Variants in SUPV3L1 observed in about 807,000 individuals in gnomAD.
The protein encoded by SUPV3L1 is ATP-dependent RNA helicase SUPV3L1, mitochondrial.
SUPV3L1 carries 35 observed loss-of-function variants against 70.0 expected under a neutral mutation model. The observed-to-expected ratio is 0.50, with a 90% confidence interval of 0.38 to 0.66. The LOEUF is 0.66. SUPV3L1 is among the 30% of genes least tolerant of loss of function. The probability of loss-of-function intolerance (pLI) is 0.00; values close to 1 mark genes in which losing one functional copy is unlikely to be tolerated. For synonymous variants in SUPV3L1, 364 were observed against 341.9 expected (o/e 1.06, Z -0.71); for missense variants, 777 against 961.5 (o/e 0.81, Z 2.54).
intron 1 of SUPV3L1, among the ~76,000 whole-genome samples, chr10:69,185,601 A>G (rs1842201238): frequency 6.6e-6 from 1 of 150,376 alleles, no homozygotes. Flanking sequence ...TCCCGGGTTC[A>G]TGCCATTCTC....
Position 69,200,383 on chromosome 10 carries a change from G to A in SUPV3L1, c.1402G>A (p.Ala468Thr). The part of the protein sequence containing the change: ...PITTSQALQI[A>T]GRAGRFSSRF... Reference sequence around the variant, plus strand: ...CACAACCTCTCAAGCCCTGCAGATTGCTGGCAGAGCTGGCAGATTCAGCTC... The same window carrying A: ...CACAACCTCTCAAGCCCTGCAGATTACTGGCAGAGCTGGCAGATTCAGCTC... The change falls in exon 11 of 15, where the codon GCT (alanine) becomes ACT (threonine). Residue 468 changes from alanine to threonine, a missense_variant. By Grantham distance (58) the Ala-to-Thr change is moderately conservative. Transcript: ENST00000359655. 6.2e-7 allele frequency: 1 copy of A among 1,614,124 alleles called. No homozygotes were observed. The highest frequency in any genetic ancestry group is 8.5e-7 in the Non-Finnish European group (1 of 1,180,024).
chr10:69,194,605 C>G (rs369952843), intron 6 of SUPV3L1, among the ~76,000 whole-genome samples: 10 of 152,048 alleles, frequency 6.6e-5, no homozygotes, highest in African/African-American at 2.4e-4. Context: ...CCGCCTCGAC[C>G]TCCCAAGAAA....
intron 6 of SUPV3L1, among the ~76,000 whole-genome samples, chr10:69,194,946 G>A (rs753748393): frequency 2.0e-5 from 3 of 152,134 alleles, no homozygotes; most frequent in African/African-American, 4.8e-5. Context: ...ATTTCTCTGG[G>A]CCTCTGACTT....
In SUPV3L1 at chr10:69,180,307, G is replaced by C. The variant is rs757576646; in HGVS notation, c.16G>C (p.Ala6Pro). 16 of 1,613,668 alleles carry C rather than the reference G, an allele frequency of 9.9e-6. No individual in the cohort carries two copies. In the African/African-American group the frequency reaches 1.5e-4, roughly 15 times the overall value. Residue 6 changes from alanine to proline, a missense_variant, in exon 1 of 15, where the codon GCC (alanine) becomes CCC (proline). Ala to Pro is a conservative substitution (Grantham distance 27). This residue lies in a region of SUPV3L1 where 158 missense variants were observed against 138.3 expected (regional missense o/e 1.14). Transcript: ENST00000359655. MSFSRALLWARLPAGR... is the reference protein window; with the variant it reads MSFSRPLLWARLPAGR... ...TGCGGCCTCGATGTCCTTCTCCCGT[G>C]CCCTATTGTGGGCTCGGCTCCCGGC...
At chr10:69,191,840 T>G in intron 6 of SUPV3L1, 74 bp downstream of exon 6, 1 of 1,152,302 alleles carries the variant, frequency 8.7e-7, no homozygotes. Flanking sequence ...AGAGTCTTGC[T>G]CTGTTGTCCA....
chr10:69,193,203 C>G (rs1478492385), intron 6 of SUPV3L1: 4 of 151,962 alleles, frequency 2.6e-5, no homozygotes. Context: ...TATTTGTGTT[C>G]ATGTTGTGTA....
chr10:69,198,223 T>A lies in SUPV3L1; in HGVS notation c.1024-149T>A, dbSNP rs12246318. On this transcript the variant is annotated intron_variant, in intron 8 of 14. Transcript: ENST00000359655. ...GATGGTAACACTTATAATATCAAAA[T>A]AAATGTTTTTCTGTGTTTTCTTTTG... is the stretch of plus-strand genomic sequence containing the variant. 482 of 604,576 alleles carry A rather than the reference T, an allele frequency of 8.0e-4. 5 individuals carry two copies. In the African/African-American group the frequency reaches 8.1e-3, roughly 10 times the overall value. 37.5% of individuals were successfully genotyped at this position (604,576 alleles called of 1,614,324 possible). A position where few individuals can be genotyped will look rare whatever the true frequency, so the allele number is the denominator to read the frequency against.
chr10:69,184,483 T>C (rs1047729718), intron 1 of SUPV3L1, among the ~76,000 whole-genome samples: 2 of 152,110 alleles, frequency 1.3e-5, no homozygotes, highest in African/African-American at 4.8e-5. Flanking sequence ...TGCAGTGAGC[T>C]GAGATCGCGC....
At chr10:69,180,995 G>C (rs1233010697) in intron 1 of SUPV3L1, among the ~76,000 whole-genome samples, 4 of 152,172 alleles carry the variant, frequency 2.6e-5, no homozygotes, top group Admixed American at 2.6e-4. Context: ...CTGTTAGGCT[G>C]TGTGGTGGTT....
At position 69,208,969 on chromosome 10, in the gene SUPV3L1, A is replaced by T. The variant is rs770547166; in HGVS notation, c.2295A>T (p.Glu765Asp). 26 of 1,614,064 alleles carry T rather than the reference A, an allele frequency of 1.6e-5. No individual in the cohort carries two copies. The highest frequency in any genetic ancestry group is 2.0e-5 in the Non-Finnish European group (24 of 1,180,040). The change falls in exon 15 of 15, where the codon GAA becomes GAT. Residue 765 changes from glutamate to aspartate, a missense_variant. By Grantham distance (45) the Glu-to-Asp change is conservative. This residue lies in a region of SUPV3L1 where 619 missense variants were observed against 823.3 expected (regional missense o/e 0.75). Transcript: ENST00000359655. Reference protein sequence around the residue: ...WMTQQTEHNKEKTESGTHPKG... With the variant: ...WMTQQTEHNKDKTESGTHPKG... ...CACAACAAACTGAACACAACAAAGAAAAAACAGAGTCTGGGACTCATCCAA... is the reference window on the plus strand; with the variant it reads ...CACAACAAACTGAACACAACAAAGATAAAACAGAGTCTGGGACTCATCCAA...
At chr10:69,204,459 G>A (rs1420377894) in intron 13 of SUPV3L1, among the ~76,000 whole-genome samples, 1 of 152,094 alleles carries the variant, frequency 6.6e-6, no homozygotes, top group South Asian at 2.1e-4. Context: ...TGTGGCTCAT[G>A]CCTGTAATCC....
intron 2 of SUPV3L1, 34 bp downstream of exon 2, chr10:69,186,098 A>T: frequency 6.3e-7 from 1 of 1,578,612 alleles, no homozygotes; most frequent in Non-Finnish European, 8.7e-7. Flanking sequence ...GAGGTATTTT[A>T]TTACCTCTTA....
chr10:69,194,740 G>C (rs759889262), intron 6 of SUPV3L1, among the ~76,000 whole-genome samples: 1 of 148,688 alleles, frequency 6.7e-6, no homozygotes, highest in African/African-American at 2.6e-5. Context: ...TGTGCCACTG[G>C]ACTCAGGCTG....
chr10:69,205,764 A>C (rs1219843348), intron 13 of SUPV3L1, among the ~76,000 whole-genome samples: 2 of 152,124 alleles, frequency 1.3e-5, no homozygotes, highest in Admixed American at 6.6e-5. Flanking sequence ...CAAACTCCTG[A>C]CCTCAAGTGA....
At chr10:69,200,145 C>T (rs1023227554) in intron 10 of SUPV3L1, 135 bp from the exon 11 acceptor site, 3 of 696,796 alleles carry the variant, frequency 4.3e-6, no homozygotes, top group Non-Finnish European at 7.1e-6. Context: ...CTGTGCCAGA[C>T]TTTCCTTAAT....
Position 69,189,427 on chromosome 10 carries a change from A to G in SUPV3L1, c.733A>G (p.Asn245Asp), listed in dbSNP as rs1564702520. The change falls in exon 5 of 15, where the codon AAT (asparagine) becomes GAT (aspartate). Residue 245 changes from asparagine (N) to aspartate (D), a missense_variant. Around this residue, in one of 2 missense-constraint regions of SUPV3L1, gnomAD observed 619 missense variants for 823.3 expected, o/e 0.75. Coordinates refer to ENST00000359655, the MANE Select transcript of SUPV3L1 (RefSeq NM_003171.5). ...GGCACATGAGATCTTCGAAAAGAGT[A>G]ATGCTGCTGTCAGTATATTACCAAA... Reference protein sequence around the residue: ...LLAHEIFEKSNAAGVPCDLVT... With the variant: ...LLAHEIFEKSDAAGVPCDLVT... 5 of 1,607,854 alleles carry G rather than the reference A, an allele frequency of 3.1e-6. No homozygotes were observed. In the Admixed American group the frequency reaches 8.5e-5, roughly 27 times the overall value.
chr10:69,208,715 G>A lies in SUPV3L1; in HGVS notation c.2041G>A (p.Glu681Lys). The A allele has an allele frequency of 6.2e-7, 1 of 1,614,168 alleles. No individual in the cohort carries two copies. Among genetic ancestry groups the A allele is most frequent in the Non-Finnish European group, 8.5e-7 (1 of 1,180,034 alleles). The change falls in exon 15 of 15, where the codon GAG becomes AAG. Residue 681 changes from glutamate to lysine, a missense_variant. Glu to Lys is a moderately conservative substitution (Grantham distance 56). Around this residue, in one of 2 missense-constraint regions of SUPV3L1, gnomAD observed 619 missense variants for 823.3 expected, o/e 0.75. Transcript: ENST00000359655. ...TATCACTAAATTGATTAAAATGTCT[G>A]AGACGCATAAGCTGTTGAATTTGGA... is the stretch of plus-strand genomic sequence containing the variant. ...HNITKLIKMS[E>K]THKLLNLEGF...
In SUPV3L1 at chr10:69,185,511, T is replaced by A. The variant is rs1444117191; in HGVS notation, c.272-476T>A. ...TGACTCGATCATTTTTCTCTTTTTT[T>A]TTTTTTTTGAGACGGAGACTCGCTC... On this transcript the variant is annotated intron_variant, in intron 1 of 14. Coordinates refer to ENST00000359655, the MANE Select transcript of SUPV3L1 (RefSeq NM_003171.5). 2.0e-5 allele frequency among the ~76,000 whole-genome samples: 3 copies of A among 151,210 alleles called. No homozygotes were observed. In the East Asian group the frequency reaches 5.8e-4, roughly 29 times the overall value.
intron 13 of SUPV3L1, among the ~76,000 whole-genome samples, chr10:69,205,078 C>T (rs939675065): frequency 8.5e-5 from 13 of 152,096 alleles, no homozygotes; most frequent in Admixed American, 6.6e-4. Flanking sequence ...GCCCTATCAA[C>T]GTTATCTTAA....
Sources: allele counts gnomAD v4.1 joint callset (sites outside exome capture counted in the v4.1 genomes callset), GRCh38; gene constraint gnomAD v4.1.1; regional missense constraint gnomAD v4.1.1; transcripts MANE v1.5; gene names NCBI Gene and HGNC (gene_info 2026-07-23, HGNC 2026-07-21).